Variants in PCDH15 observed in about 807,000 individuals in gnomAD.
The protein encoded by PCDH15 is protocadherin-15.
Under a neutral mutation model 178.5 loss-of-function variants are expected in PCDH15, and 129 were observed. The observed-to-expected ratio is 0.72, with a 90% CI of 0.63 to 0.84. The LOEUF is 0.84. PCDH15 is among the 40% of genes least tolerant of loss of function. The pLI, the probability that PCDH15 is intolerant of heterozygous loss-of-function variation, is 0.00. For missense variants in PCDH15, 2,230 were observed against 2,099.9 expected, an observed-to-expected ratio of 1.06 and a Z score of -1.21; for synonymous variants, 800 against 732.0, an observed-to-expected ratio of 1.09 and a Z score of -1.50.
intron 26 of PCDH15, among the ~76,000 whole-genome samples, chr10:53,887,718 T>C (rs569181490): frequency 1.3e-5 from 2 of 152,088 alleles, no homozygotes; most frequent in African/African-American, 4.8e-5. Flanking sequence ...TGAAACCCCG[T>C]CTCTACTAAA....
chr10:54,405,620 C>T (rs1311984107), intron 3 of PCDH15, among the ~76,000 whole-genome samples: 1 of 151,586 alleles, frequency 6.6e-6, no homozygotes, highest in Non-Finnish European at 1.5e-5. Flanking sequence ...ATAATCTGTA[C>T]AACCAACCCC....
intron 2 of PCDH15, among the ~76,000 whole-genome samples, chr10:55,069,284 T>C (rs1215566826): frequency 1.6e-5 from 1 of 61,300 alleles, no homozygotes; most frequent in African/African-American, 3.4e-5. Context: ...AAATAACAAT[T>C]TTTTTTTTAT....
At chr10:55,071,898 T>A (rs201654337) in intron 2 of PCDH15, among the ~76,000 whole-genome samples, 2 of 151,908 alleles carry the variant, frequency 1.3e-5, no homozygotes, top group African/African-American at 2.4e-5. Context: ...ACAAACTGTC[T>A]CTCAGACCAC....
At chr10:55,624,124 G>A (rs1837472213) in intron 2 of PCDH15, among the ~76,000 whole-genome samples, 1 of 151,984 alleles carries the variant, frequency 6.6e-6, no homozygotes, top group Non-Finnish European at 1.5e-5. Flanking sequence ...CTGTCACTAT[G>A]TGTCAATCTC....
At chr10:54,934,215 T>C (rs1017391090) in intron 2 of PCDH15, among the ~76,000 whole-genome samples, 53 of 152,164 alleles carry the variant, frequency 3.5e-4, no homozygotes, top group Admixed American at 3.4e-3. Context: ...TGTGTGTCTG[T>C]TACTAAAAGC....
At chr10:54,298,558 C>T (rs1324060790) in intron 8 of PCDH15, among the ~76,000 whole-genome samples, 3 of 152,228 alleles carry the variant, frequency 2.0e-5, no homozygotes, top group Admixed American at 6.5e-5. Context: ...AAGCTGCCCC[C>T]TCATCCATGT....
intron 8 of PCDH15, among the ~76,000 whole-genome samples, chr10:54,307,266 T>C (rs1219796756): frequency 6.7e-6 from 1 of 148,908 alleles, no homozygotes; most frequent in African/African-American, 2.5e-5. Context: ...ATGTGTCTAA[T>C]CTTTTTAAAT....
At chr10:53,908,917 A>G (rs1353340576) in intron 25 of PCDH15, among the ~76,000 whole-genome samples, 1 of 152,208 alleles carries the variant, frequency 6.6e-6, no homozygotes, top group East Asian at 1.9e-4. Context: ...TCACTTTAAA[A>G]ACACACAAAC....
intron 20 of PCDH15, among the ~76,000 whole-genome samples, chr10:53,998,838 G>C (rs193295040): frequency 6.6e-6 from 1 of 151,946 alleles, no homozygotes; most frequent in Admixed American, 6.6e-5. Context: ...GATCACCCAA[G>C]GTCAGGAGTT....
chr10:55,271,724 C>A, intron 1 of PCDH15, among the ~76,000 whole-genome samples: 1 of 152,162 alleles, frequency 6.6e-6, no homozygotes, highest in East Asian at 1.9e-4. Context: ...GGTACTAGGT[C>A]TTGGTACTCT....
In PCDH15 at chr10:55,431,376, C is replaced by T. The variant is rs530647644; in HGVS notation, c.-156+196249G>A. 6.4e-4 allele frequency among the ~76,000 whole-genome samples: 97 copies of T among 152,168 alleles called. 1 individual carries two copies. The highest frequency in any genetic ancestry group is 2.1e-3 in the African/African-American group (88 of 41,538). On this transcript the variant is annotated intron_variant, in intron 2 of 5. Transcript: ENST00000613346. ...TTCCTGCCTACATAAAATCTTGTCA[C>T]GACTAAGGCTCCATCTCTCGCTTCC...
chr10:54,379,826 G>C (rs1948961854), intron 3 of PCDH15, among the ~76,000 whole-genome samples: 2 of 151,952 alleles, frequency 1.3e-5, no homozygotes, highest in Admixed American at 1.3e-4. Context: ...AGATATAGAA[G>C]AGATGTGGCT....
chr10:55,336,732 C>A (rs546673486), intron 2 of PCDH15, among the ~76,000 whole-genome samples: 5 of 152,050 alleles, frequency 3.3e-5, no homozygotes, highest in Non-Finnish European at 7.4e-5. Context: ...CAGACCCTTT[C>A]GCTCTCCAAA....
At chr10:53,934,946 A>T (rs1160996171) in intron 25 of PCDH15, among the ~76,000 whole-genome samples, 1 of 151,498 alleles carries the variant, frequency 6.6e-6, no homozygotes, top group Non-Finnish European at 1.5e-5. Context: ...AAAAAAAAAA[A>T]GTCTAGAATT....
intron 1 of PCDH15, among the ~76,000 whole-genome samples, chr10:55,186,563 T>C (rs1174974344): frequency 1.3e-5 from 2 of 151,792 alleles, no homozygotes; most frequent in Admixed American, 1.3e-4. Flanking sequence ...AGACAACTAA[T>C]ATGAGACTAC....
rs189263433 is a variant in PCDH15 at position 55,156,028 on chromosome 10, T to C, written c.-80+10548A>G. 2.0e-4 allele frequency among the ~76,000 whole-genome samples: 31 copies of C among 152,178 alleles called. 1 individual carries two copies. The East Asian group carries it at 5.8e-3, about 29-fold the overall frequency. On this transcript the variant is annotated intron_variant, in intron 2 of 5. Transcript: ENST00000458638. ...GCAAATGGATGGCAACAACACGTGA[T>C]CACAGGAAACCCACGAAGAGAACAA...
intron 25 of PCDH15, among the ~76,000 whole-genome samples, chr10:53,915,591 G>A (rs775325717): frequency 2.5e-4 from 38 of 151,960 alleles, no homozygotes; most frequent in Non-Finnish European, 5.0e-4. Flanking sequence ...AGACAGTCTC[G>A]CTCTGTCATC....
At chr10:54,326,864 A>C (rs1465502647) in intron 7 of PCDH15, among the ~76,000 whole-genome samples, 2 of 152,180 alleles carry the variant, frequency 1.3e-5, no homozygotes, top group East Asian at 3.8e-4. Flanking sequence ...AAAATGCTTA[A>C]AATGTTATAA....
chr10:54,915,325 G>A (rs1261252654), intron 2 of PCDH15, among the ~76,000 whole-genome samples: 1 of 152,118 alleles, frequency 6.6e-6, no homozygotes, highest in Non-Finnish European at 1.5e-5. Context: ...AAGATATTAA[G>A]TAAGTGAATA....
Sources: allele counts gnomAD v4.1 joint callset (sites outside exome capture counted in the v4.1 genomes callset), GRCh38; gene constraint gnomAD v4.1.1; transcripts MANE v1.5; gene names NCBI Gene and HGNC (gene_info 2026-07-23, HGNC 2026-07-21).